SAMD3: variants seen among roughly 807,000 people sequenced by gnomAD.
SAMD3 encodes the protein sterile alpha motif domain containing 3, also known as sterile alpha motif domain-containing protein 3.
In SAMD3, 63 loss-of-function variants were observed where a neutral mutation model predicts 58.5. The ratio of observed to expected loss-of-function variants is 1.08; its 90% CI spans 0.88 to 1.33. The LOEUF is 1.33. Among genes scored for constraint, SAMD3 ranks in the 40% most tolerant of loss-of-function variants. SAMD3 has a pLI of 0.00. For synonymous variants in SAMD3, 220 were observed against 210.3 expected (o/e 1.05, Z -0.40); for missense variants, 604 against 608.4 (o/e 0.99, Z 0.08).
At position 130,145,998 on chromosome 6, in the gene SAMD3, A is replaced by G. The variant is rs962931494; in HGVS notation, c.1195+12T>C. On this transcript the variant is annotated intron_variant, in intron 10 of 11. Coordinates refer to ENST00000439090, the MANE Select transcript of SAMD3 (RefSeq NM_001017373.4). Reference sequence around the variant, plus strand: ...ACAGATGAAATCACACCACTCCATAAGGTTTACTAACATTTCAACATGTCT... The same window carrying G: ...ACAGATGAAATCACACCACTCCATAGGGTTTACTAACATTTCAACATGTCT... The G allele has an allele frequency of 9.7e-6, 14 of 1,436,938 alleles. No individual in the cohort carries two copies. Among genetic ancestry groups the G allele is most frequent in the Non-Finnish European group, 1.3e-5 (14 of 1,088,482 alleles). 89.0% of individuals were successfully genotyped at this position (1,436,938 alleles called of 1,614,324 possible). A position where few individuals can be genotyped will look rare whatever the true frequency, so the allele number is the denominator to read the frequency against.
intron 7 of SAMD3, 46 bp from the exon 8 acceptor site, chr6:130,176,054 AT>A: frequency 1.3e-6 from 2 of 1,484,220 alleles, no homozygotes; most frequent in Non-Finnish European, 1.9e-6. Flanking sequence ...GATTGAGATA[AT>A]CCTATATAAA....
intron 9 of SAMD3, among the ~76,000 whole-genome samples, chr6:130,150,693 CTA>C (rs976320949): frequency 1.1e-4 from 17 of 150,330 alleles, no homozygotes; most frequent in Admixed American, 1.1e-3. Flanking sequence ...TGCAGGGTCT[CTA>C]CACACTGGGC....
At position 130,154,973 on chromosome 6, in the gene SAMD3, T is replaced by A. The variant is rs752642104; in HGVS notation, c.875A>T (p.Gln292Leu). ...CTTTTCTGTTTTCACGTATTCTTGCTGGAACCACTTAATATGTTCATCTAG... is the reference window on the plus strand; with the variant it reads ...CTTTTCTGTTTTCACGTATTCTTGCAGGAACCACTTAATATGTTCATCTAG... ...SELDEHIKWF[Q>L]QEYVKTEKDW... The change falls in exon 9 of 12, where the codon CAG becomes CTG. Residue 292 changes from glutamine to leucine, a missense_variant. By Grantham distance (113) the Gln-to-Leu change is moderately radical. Transcript: ENST00000439090. 6 of 1,613,580 alleles carry A rather than the reference T, an allele frequency of 3.7e-6. No individual in the cohort carries two copies. The highest frequency in any genetic ancestry group is 5.1e-6 in the Non-Finnish European group (6 of 1,179,738).
chr6:130,283,630 G>T (rs188299466), intron 2 of SAMD3, among the ~76,000 whole-genome samples: 1 of 152,208 alleles, frequency 6.6e-6, no homozygotes, highest in African/African-American at 2.4e-5. Flanking sequence ...GAAAATAATT[G>T]TTAATCTAGA....
intron 1 of SAMD3, among the ~76,000 whole-genome samples, chr6:130,344,233 C>T (rs1777371474): frequency 1.3e-5 from 2 of 152,330 alleles, no homozygotes; most frequent in South Asian, 4.1e-4. Context: ...GTTATTTGTC[C>T]TCCCAGTGTT....
At chr6:130,304,460 A>G (rs1775848452) in intron 2 of SAMD3, among the ~76,000 whole-genome samples, 1 of 152,200 alleles carries the variant, frequency 6.6e-6, no homozygotes, top group South Asian at 2.1e-4. Context: ...AAATTTGTTC[A>G]TAAATCAAGT....
At chr6:130,181,526 G>A (rs1792330480) in intron 7 of SAMD3, among the ~76,000 whole-genome samples, 1 of 152,160 alleles carries the variant, frequency 6.6e-6, no homozygotes, top group African/African-American at 2.4e-5. Context: ...TCAGTTAACG[G>A]TCCTTAGTGA....
intron 9 of SAMD3, among the ~76,000 whole-genome samples, chr6:130,146,692 T>C (rs1317219206): frequency 6.6e-6 from 1 of 152,104 alleles, no homozygotes; most frequent in East Asian, 1.9e-4. Context: ...AAACGATATA[T>C]GGCTGGGCAC....
chr6:130,348,565 C>T (rs529560736), intron 1 of SAMD3, among the ~76,000 whole-genome samples: 6 of 152,240 alleles, frequency 3.9e-5, no homozygotes, highest in African/African-American at 1.2e-4. Flanking sequence ...CAAGAGCATC[C>T]AGATTCATAA....
At chr6:130,147,430 G>T (rs1788734832) in intron 9 of SAMD3, among the ~76,000 whole-genome samples, 1 of 152,246 alleles carries the variant, frequency 6.6e-6, no homozygotes, top group South Asian at 2.1e-4. Flanking sequence ...GTGAAGGGAA[G>T]GATGAAGGAG....
At chr6:130,191,421 G>A (rs530101387) in intron 5 of SAMD3, among the ~76,000 whole-genome samples, 8 of 152,240 alleles carry the variant, frequency 5.3e-5, no homozygotes, top group South Asian at 2.1e-4. Context: ...ATAAACATTC[G>A]CATTTGGAAG....
rs1249735110 is a variant in SAMD3, at chr6:130,222,706, G to A, written c.-80C>T. ...AAGTGATATTTACGGATTATTGCTG[G>A]AGAGGCTTTTGGTCCATCTCTTCCA... On this transcript the variant is annotated 5_prime_UTR_variant, in exon 1 of 12. Transcript: ENST00000439090. 6.6e-6 allele frequency: 1 copy of A among 152,160 alleles called. No individual in the cohort carries two copies. The highest frequency in any genetic ancestry group is 1.5e-5 in the Non-Finnish European group (1 of 68,030). The allele number at this position is 152,160 out of a possible 1,614,324, so 9.4% of individuals were successfully genotyped here. A position where few individuals can be genotyped will look rare whatever the true frequency, so the allele number is the denominator to read the frequency against.
At chr6:130,361,200 T>C (rs540883181) in intron 1 of SAMD3, among the ~76,000 whole-genome samples, 1 of 152,084 alleles carries the variant, frequency 6.6e-6, no homozygotes, top group African/African-American at 2.4e-5. Context: ...TAAGTGTCCA[T>C]GAAAACTTCA....
At chr6:130,267,656 G>T (rs1410457989) in intron 2 of SAMD3, among the ~76,000 whole-genome samples, 1 of 152,178 alleles carries the variant, frequency 6.6e-6, no homozygotes, top group Admixed American at 6.5e-5. Flanking sequence ...GGGCCTGCCT[G>T]ACCTAAGCCT....
chr6:130,262,143 C>T (rs537968978), intron 2 of SAMD3, among the ~76,000 whole-genome samples: 5 of 152,076 alleles, frequency 3.3e-5, no homozygotes, highest in African/African-American at 4.8e-5. Context: ...AGGTATTCTT[C>T]GTAAGCCTAT....
intron 9 of SAMD3, among the ~76,000 whole-genome samples, chr6:130,150,081 T>C (rs1789006191): frequency 6.6e-6 from 1 of 152,170 alleles, no homozygotes; most frequent in South Asian, 2.1e-4. Context: ...TTTTCAGCTC[T>C]GAATTTCAAT....
chr6:130,261,876 G>T (rs1010634921), intron 2 of SAMD3, among the ~76,000 whole-genome samples: 7 of 151,932 alleles, frequency 4.6e-5, no homozygotes, highest in Admixed American at 3.9e-4. Flanking sequence ...ATAGACACTT[G>T]GTTACAGCTG....
chr6:130,269,333 C>T (rs952766798), intron 2 of SAMD3, among the ~76,000 whole-genome samples: 1 of 152,048 alleles, frequency 6.6e-6, no homozygotes, highest in African/African-American at 2.4e-5. Context: ...CAAGTGAAAC[C>T]ATTTGGGGCT....
intron 1 of SAMD3, among the ~76,000 whole-genome samples, chr6:130,218,044 C>G (rs552536169): frequency 1.3e-5 from 2 of 152,256 alleles, no homozygotes; most frequent in Admixed American, 6.5e-5. Context: ...GGGTAGCAGC[C>G]TCGCTACCAT....
Sources: allele counts gnomAD v4.1 joint callset (sites outside exome capture counted in the v4.1 genomes callset), GRCh38; gene constraint gnomAD v4.1.1; transcripts MANE v1.5; gene names NCBI Gene and HGNC (gene_info 2026-07-23, HGNC 2026-07-21).